Variants in GSR observed in about 807,000 individuals in gnomAD.
GSR encodes the protein glutathione reductase, mitochondrial.
In GSR, 48 loss-of-function variants were observed where a neutral mutation model predicts 56.5. The ratio of observed to expected loss-of-function variants is 0.85; its 90% CI spans 0.67 to 1.08. GSR has a LOEUF of 1.08. GSR is among the 50% of genes least tolerant of loss of function. GSR has a pLI of 0.00. For synonymous variants in GSR, 264 were observed against 270.8 expected, an observed-to-expected ratio of 0.97 and a Z score of 0.25; for missense variants, 694 against 703.3, an observed-to-expected ratio of 0.99 and a Z score of 0.15.
intron 1 of GSR, among the ~76,000 whole-genome samples, chr8:30,723,795 CACACACACACACACACACACACA>C (rs1804633091): frequency 6.7e-6 from 1 of 149,686 alleles, no homozygotes; most frequent in South Asian, 2.1e-4. Flanking sequence ...CACACACACA[CACACACACACACACACACACACA>C]CCCAGGTCTG....
At chr8:30,726,064 C>T (rs8190898) in intron 1 of GSR, among the ~76,000 whole-genome samples, 15,573 of 152,060 alleles carry the variant, frequency 0.1, 2,423 homozygotes, top group African/African-American at 0.34. Flanking sequence ...ACCCCACAAT[C>T]TGCCTTCTGG....
chr8:30,686,224 CTG>C (rs1803155493), intron 9 of GSR, among the ~76,000 whole-genome samples: 1 of 152,008 alleles, frequency 6.6e-6, no homozygotes, highest in African/African-American at 2.4e-5. Context: ...TCTAGTATCT[CTG>C]TGCTCCTGGC....
At chr8:30,724,019 C>T (rs1398609992) in intron 1 of GSR, among the ~76,000 whole-genome samples, 2 of 152,200 alleles carry the variant, frequency 1.3e-5, no homozygotes, top group Non-Finnish European at 2.9e-5. Flanking sequence ...AACTTTAAAA[C>T]TTCCCCAAGC....
At chr8:30,681,528 A>C (rs1802958980) in intron 11 of GSR, among the ~76,000 whole-genome samples, 1 of 152,114 alleles carries the variant, frequency 6.6e-6, no homozygotes, top group Non-Finnish European at 1.5e-5. Flanking sequence ...TTGTCTCAAA[A>C]AGAAAAAAAA....
At chr8:30,695,706 T>C (rs1803521891) in intron 7 of GSR, among the ~76,000 whole-genome samples, 1 of 152,198 alleles carries the variant, frequency 6.6e-6, no homozygotes, top group Non-Finnish European at 1.5e-5. Flanking sequence ...GGTAACAATC[T>C]AACATTACTT....
chr8:30,724,544 C>CTT (rs56145808), intron 1 of GSR, among the ~76,000 whole-genome samples: 13,639 of 84,616 alleles, frequency 0.16, 2,850 homozygotes, highest in South Asian at 0.25. Flanking sequence ...AACCCCCCAC[C>CTT]TTTTTTTTTT....
chr8:30,722,057 GT>G (rs1424192723), intron 1 of GSR, among the ~76,000 whole-genome samples: 2 of 151,844 alleles, frequency 1.3e-5, no homozygotes, highest in Non-Finnish European at 2.9e-5. Flanking sequence ...TTCAAAGTAT[GT>G]TTTACAAAGA....
At chr8:30,716,159 T>C (rs1421188786) in intron 1 of GSR, among the ~76,000 whole-genome samples, 1 of 152,208 alleles carries the variant, frequency 6.6e-6, no homozygotes, top group Non-Finnish European at 1.5e-5. Context: ...ACTGTATCAG[T>C]ATCTTGGCCT....
At chr8:30,717,987 G>C (rs1237741521) in intron 1 of GSR, among the ~76,000 whole-genome samples, 1 of 151,876 alleles carries the variant, frequency 6.6e-6, no homozygotes, top group East Asian at 1.9e-4. Context: ...TGTAATCCCA[G>C]CTACTTGGAA....
Position 30,678,346 on chromosome 8 carries a change from T to C in GSR, c.*1174A>G, listed in dbSNP as rs1032828274. The C allele has an allele frequency of 1.4e-4, 10 of 71,816 alleles. No homozygotes were observed. Among genetic ancestry groups the C allele is most frequent in the African/African-American group, 5.0e-4 (7 of 14,130 alleles). 4.4% of individuals were successfully genotyped at this position (71,816 alleles called of 1,614,324 possible). ...CACTTCACCTCATAAAAATAATATA[T>C]ATATATATATATATTTTTTTTTTTT... On this transcript the variant is annotated 3_prime_UTR_variant, in exon 13 of 13. Transcript: ENST00000221130.
chr8:30,700,722 C>CAAAAAAAAAAAAAAAAAAA (rs1563535549), intron 5 of GSR, among the ~76,000 whole-genome samples: 1 of 8,424 alleles, frequency 1.2e-4, no homozygotes, highest in African/African-American at 1.7e-4. Context: ...GATTTTGTCT[C>CAAAAAAAAAAAAAAAAAAA]CAAAAAAAAA....
At chr8:30,711,120 G>GA (rs1414810045) in intron 2 of GSR, among the ~76,000 whole-genome samples, 2 of 152,156 alleles carry the variant, frequency 1.3e-5, no homozygotes, top group Admixed American at 1.3e-4. Context: ...CTATACCACG[G>GA]AAAAGACTTC....
chr8:30,692,286 C>A (rs948996410), intron 8 of GSR, among the ~76,000 whole-genome samples: 1 of 134,254 alleles, frequency 7.4e-6, no homozygotes, highest in Non-Finnish European at 1.5e-5. Context: ...CTCACCACAA[C>A]CTCCACCTCC....
At chr8:30,687,039 G>C (rs549491858) in intron 9 of GSR, among the ~76,000 whole-genome samples, 1 of 151,416 alleles carries the variant, frequency 6.6e-6, no homozygotes, top group Non-Finnish European at 1.5e-5. Flanking sequence ...ATTTCACCAC[G>C]TTGCCCAGGC....
At chr8:30,695,593 T>C (rs1803519309) in intron 7 of GSR, among the ~76,000 whole-genome samples, 1 of 152,202 alleles carries the variant, frequency 6.6e-6, no homozygotes, top group African/African-American at 2.4e-5. Flanking sequence ...ATTTTATGTG[T>C]AGTCCAAGAC....
At chr8:30,688,578 C>CA (rs57690198) in intron 9 of GSR, among the ~76,000 whole-genome samples, 19,002 of 81,436 alleles carry the variant, frequency 0.23, 2,708 homozygotes, top group African/African-American at 0.37. Context: ...GACCCTGTCT[C>CA]AAAAAAAAAA....
chr8:30,679,537 GCT>G lies in GSR; in HGVS notation c.1550_1551del (p.Glu517AlafsTer24). 1 of 1,614,116 alleles carries G rather than the reference GCT, an allele frequency of 6.2e-7. No homozygotes were observed. Among genetic ancestry groups the G allele is most frequent in the Non-Finnish European group, 8.5e-7 (1 of 1,180,008 alleles). On this transcript the variant is annotated frameshift_variant, in exon 13 of 13. Transcript: ENST00000221130. LOFTEE classifies it high-confidence loss of function. ...TVAIHPTSSE[E>X]LVTLR ...CCTGGTTCTCAACGAAGTGTGACCAGCTCTTCTGAAGAGGTAGGGTGAATGGC... is the reference window on the plus strand; with the variant it reads ...CCTGGTTCTCAACGAAGTGTGACCAGCTTCTGAAGAGGTAGGGTGAATGGC...
At chr8:30,701,283 T>C (rs1032019500) in intron 5 of GSR, among the ~76,000 whole-genome samples, 1 of 151,730 alleles carries the variant, frequency 6.6e-6, no homozygotes, top group Non-Finnish European at 1.5e-5. Flanking sequence ...CTGGCCAACA[T>C]GGTGAAACCC....
At chr8:30,700,748 A>AAAAAAAAAAAAAAAC in intron 5 of GSR, among the ~76,000 whole-genome samples, 1 of 140,058 alleles carries the variant, frequency 7.1e-6, no homozygotes, top group African/African-American at 2.6e-5. Context: ...AAAAAAAAAA[A>AAAAAAAAAAAAAAAC]AATCGACGTG....
Sources: gnomAD v4.1 joint callset for allele counts (sites outside exome capture counted in the v4.1 genomes callset) on GRCh38, gnomAD v4.1.1 for gene constraint, MANE v1.5 for transcripts, NCBI Gene and HGNC (gene_info 2026-07-23, HGNC 2026-07-21) for gene names.